The following ATP5F1A variants were observed in gnomAD, a reference collection of about 807,000 sequenced individuals.
ATP5F1A encodes ATP synthase F(1) complex subunit alpha, mitochondrial.
In ATP5F1A, 24 loss-of-function variants were observed where a neutral mutation model predicts 57.4. The ratio of observed to expected loss-of-function variants is 0.42; its 90% CI spans 0.30 to 0.59. The LOEUF (loss-of-function observed/expected upper bound fraction) is 0.59, where lower values mean the gene tolerates loss of function less well. ATP5F1A is among the 20% of genes least tolerant of loss of function. ATP5F1A has a pLI of 0.19. For synonymous variants in ATP5F1A, 251 were observed against 255.5 expected, an observed-to-expected ratio of 0.98 and a Z score of 0.17; for missense variants, 494 against 707.9, an observed-to-expected ratio of 0.70 and a Z score of 3.43.
chr18:46,098,365 ACCTCTCC>A (rs1272224108), upstream of ATP5F1A: 1 of 1,147,112 alleles, frequency 8.7e-7, no homozygotes, highest in Non-Finnish European at 1.1e-6. Context: ...CGCGTTCACC[ACCTCTCC>A]CCCCGCCCCC....
chr18:46,097,168 A>G (rs1911027222), intron 1 of ATP5F1A, among the ~76,000 whole-genome samples: 1 of 151,988 alleles, frequency 6.6e-6, no homozygotes, highest in Non-Finnish European at 1.5e-5. Flanking sequence ...TCAATTCTGA[A>G]GCCTCTACCT....
chr18:46,095,875 T>C (rs899669708), intron 1 of ATP5F1A, among the ~76,000 whole-genome samples: 4 of 150,606 alleles, frequency 2.7e-5, no homozygotes, highest in African/African-American at 7.3e-5. Context: ...GCAGTAAATA[T>C]ATATATACAC....
chr18:46,102,173 C>CA (rs1225574441), upstream of ATP5F1A, among the ~76,000 whole-genome samples: 2,416 of 109,788 alleles, frequency 0.022, 38 homozygotes, highest in Admixed American at 0.053. Context: ...GACTCCCTCT[C>CA]AAAAAAAAAA....
At chr18:46,093,092 T>C (rs540594172) in intron 2 of ATP5F1A, 3 of 152,066 alleles carry the variant, frequency 2.0e-5, no homozygotes, top group South Asian at 2.1e-4. Context: ...GAGGTTGCAG[T>C]GAGCTGAGAT....
At chr18:46,091,904 G>A in intron 2 of ATP5F1A, 53 bp from the exon 3 acceptor site, 3 of 1,549,484 alleles carry the variant, frequency 1.9e-6, no homozygotes, top group Non-Finnish European at 2.6e-6. Flanking sequence ...CAGGCACAGT[G>A]GCTCACAGCT....
intron 7 of ATP5F1A, 23 bp from the exon 8 acceptor site, chr18:46,087,255 G>C: frequency 6.2e-7 from 1 of 1,612,166 alleles, no homozygotes; most frequent in Non-Finnish European, 8.5e-7. Flanking sequence ...ATAGGTTTGT[G>C]AAGTTAACCT....
At chr18:46,086,706 T>G (rs1249954845) in intron 8 of ATP5F1A, 4 of 599,104 alleles carry the variant, frequency 6.7e-6, no homozygotes, top group Non-Finnish European at 1.2e-5. Flanking sequence ...GCAACATATT[T>G]ATACTGAAAT....
chr18:46,098,362 A>AGGGGGGGGGGGGGGGGGGGGGG, upstream of ATP5F1A: 2 of 1,281,400 alleles, frequency 1.6e-6, no homozygotes, highest in Non-Finnish European at 2.0e-6. Context: ...CCTCGCGTTC[A>AGGGGGGGGGGGGGGGGGGGGGG]CCACCTCTCC....
chr18:46,088,434 A>C, intron 5 of ATP5F1A, 177 bp from the exon 6 acceptor site: 1 of 547,668 alleles, frequency 1.8e-6, no homozygotes. Context: ...TTAGTCTGTA[A>C]CCATAGCCCC....
intron 1 of ATP5F1A, among the ~76,000 whole-genome samples, chr18:46,095,569 G>A (rs923154488): frequency 5.9e-5 from 9 of 151,856 alleles, no homozygotes; most frequent in Non-Finnish European, 7.4e-5. Flanking sequence ...CACCCGCCTT[G>A]GCCTCCCAAA....
At chr18:46,098,362 A>AGGGGGGGG, upstream of ATP5F1A, 4 of 1,281,386 alleles carry the variant, frequency 3.1e-6, no homozygotes, top group Non-Finnish European at 4.0e-6. Flanking sequence ...CCTCGCGTTC[A>AGGGGGGGG]CCACCTCTCC....
chr18:46,094,162 CATACACACACACACACACACACACAT>C (rs1370375290), intron 2 of ATP5F1A, among the ~76,000 whole-genome samples: 4 of 109,322 alleles, frequency 3.7e-5, no homozygotes, highest in East Asian at 2.3e-4. Context: ...TGTGTGTACA[CATACACACACACACACACACACACAT>C]ATACACACAC....
intron 5 of ATP5F1A, 149 bp from the exon 6 acceptor site, chr18:46,088,406 T>G (rs1453296719): frequency 1.4e-6 from 1 of 701,586 alleles, no homozygotes; most frequent in Non-Finnish European, 2.2e-6. Flanking sequence ...AGAAAAATTC[T>G]TCTGCCTTGA....
At position 46,081,676 on chromosome 18, in the gene ATP5F1A, A is replaced by AG. The variant is rs1406313138; in HGVS notation, c.*2605_*2606insC. On this transcript the variant is annotated 3_prime_UTR_variant, in exon 12 of 12. Transcript: ENST00000398752. ...CAAAACTCTCAAAAAAAAAAAACAA[A>AG]AAAAAAAAAAAAAAAAAAAAACGAA... The AG allele has an allele frequency of 1.0e-5, 1 of 99,046 alleles. No individual in the cohort carries two copies. The highest frequency in any genetic ancestry group is 2.0e-5 in the Non-Finnish European group (1 of 51,132). 6.1% of individuals were successfully genotyped at this position (99,046 alleles called of 1,614,324 possible). A position where few individuals can be genotyped will look rare whatever the true frequency, so the allele number is the denominator to read the frequency against.
intron 6 of ATP5F1A, 69 bp downstream of exon 6, chr18:46,088,040 G>A: frequency 1.4e-5 from 21 of 1,530,874 alleles, no homozygotes; most frequent in Non-Finnish European, 1.8e-5. Flanking sequence ...TCATTAAGTA[G>A]AAGCTATTCT....
chr18:46,091,504 C>A (rs1377251459), intron 3 of ATP5F1A, among the ~76,000 whole-genome samples, 178 bp downstream of exon 3: 3 of 152,128 alleles, frequency 2.0e-5, no homozygotes, highest in Admixed American at 1.3e-4. Flanking sequence ...AGTAAAAAAA[C>A]TTGGCTAATT....
At position 46,082,079 on chromosome 18, in the gene ATP5F1A, T is replaced by TA. The variant is rs35693676; in HGVS notation, c.*2202dup. 495 of 121,682 alleles carry TA rather than the reference T, an allele frequency of 4.1e-3. 5 individuals carry two copies. The highest frequency in any genetic ancestry group is 0.024 in the East Asian group (89 of 3,648). 7.5% of individuals were successfully genotyped at this position (121,682 alleles called of 1,614,324 possible). A position where few individuals can be genotyped will look rare whatever the true frequency, so the allele number is the denominator to read the frequency against. On this transcript the variant is annotated 3_prime_UTR_variant, in exon 12 of 12. Transcript: ENST00000398752. ...ACAGACAAAAGCCTTTATATATCAG[T>TA]AAAAAAAAAAAAAAAAAAAAGAGGC...
At chr18:46,090,092 G>GGGGGGGGA in intron 3 of ATP5F1A, 96 bp from the exon 4 acceptor site, 2 of 512,008 alleles carry the variant, frequency 3.9e-6, no homozygotes, top group South Asian at 5.7e-5. Flanking sequence ...GGGTGGGGGG[G>GGGGGGGGA]GAAGCAGTAT....
intron 10 of ATP5F1A, 102 bp downstream of exon 10, chr18:46,086,011 C>T: frequency 8.0e-7 from 1 of 1,247,196 alleles, no homozygotes; most frequent in African/African-American, 1.5e-5. Context: ...TAACAGATAA[C>T]AACACGTAGT....
Sources: gnomAD v4.1 joint callset for allele counts (sites outside exome capture counted in the v4.1 genomes callset) on GRCh38, gnomAD v4.1.1 for gene constraint, MANE v1.5 for transcripts, NCBI Gene and HGNC (gene_info 2026-07-23, HGNC 2026-07-21) for gene names.